The following DPY19L2 variants were observed in gnomAD, a reference collection of about 807,000 sequenced individuals.
The protein encoded by DPY19L2 is dpy-19 like 2, also known as probable C-mannosyltransferase DPY19L2.
A neutral mutation model predicts 97.9 loss-of-function variants in DPY19L2; 34 were observed. That is an observed-to-expected ratio of 0.35 (90% confidence interval 0.26 to 0.46). The LOEUF is 0.46. Ranked by LOEUF, DPY19L2 falls within the 20% of genes least tolerant of loss-of-function variation. The pLI is 1.00. For missense variants in DPY19L2, 623 were observed against 911.4 expected, an observed-to-expected ratio of 0.68 and a Z score of 4.07; for synonymous variants, 230 against 307.9, an observed-to-expected ratio of 0.75 and a Z score of 2.65.
intron 3 of DPY19L2, among the ~76,000 whole-genome samples, chr12:63,662,464 T>G (rs573398596): frequency 1.3e-5 from 2 of 151,578 alleles, no homozygotes; most frequent in Non-Finnish European, 2.9e-5. Flanking sequence ...ATATCTAATA[T>G]GCAAAAGACT....
At position 63,621,323 on chromosome 12, in the gene DPY19L2, T is replaced by C. The variant is rs201393221; in HGVS notation, c.968A>G (p.Asp323Gly). The C allele has an allele frequency of 7.2e-4, 685 of 956,794 alleles. 4 individuals carry two copies. The highest frequency in any genetic ancestry group is 3.2e-3 in the Middle Eastern group (10 of 3,120). 59.3% of individuals were successfully genotyped at this position (956,794 alleles called of 1,614,324 possible). A position where few individuals can be genotyped will look rare whatever the true frequency, so the allele number is the denominator to read the frequency against. The change falls in exon 9 of 22, where the codon GAT becomes GGT. Residue 323 changes from aspartate to glycine, a missense_variant. Physicochemically the swap from Asp to Gly is moderately conservative, Grantham distance 94 (BLOSUM62 -1). Around this residue, in one of 6 missense-constraint regions of DPY19L2, gnomAD observed 67 missense variants for 88.0 expected, o/e 0.76. Transcript: ENST00000324472. ...LTLILRTSSN[D>G]RRPFIALCLS... ...ACAGAGTGCAATGAAGGGCCTTCTA[T>C]CATTGCTTGAGGTCCTTAATAGAGA...
At chr12:63,647,090 A>T (rs1405289079) in intron 5 of DPY19L2, among the ~76,000 whole-genome samples, 155 bp downstream of exon 5, 1 of 152,158 alleles carries the variant, frequency 6.6e-6, no homozygotes, top group East Asian at 1.9e-4. Flanking sequence ...TTCTCAGAAA[A>T]CTATTTTAAA....
At chr12:63,648,467 C>A (rs1211933615) in intron 4 of DPY19L2, among the ~76,000 whole-genome samples, 6 of 151,750 alleles carry the variant, frequency 4.0e-5, no homozygotes, top group Admixed American at 3.3e-4. Context: ...GCTCTTTTCA[C>A]TCAGGCTGGA....
At chr12:63,633,074 T>C (rs919241663) in intron 6 of DPY19L2, among the ~76,000 whole-genome samples, 3 of 152,110 alleles carry the variant, frequency 2.0e-5, no homozygotes, top group Admixed American at 6.5e-5. Context: ...TCAAGATTGA[T>C]TAAAGACTTA....
chr12:63,636,623 G>A (rs971697573), intron 6 of DPY19L2, among the ~76,000 whole-genome samples: 4 of 151,982 alleles, frequency 2.6e-5, no homozygotes, highest in African/African-American at 9.7e-5. Context: ...CAAAACAAAA[G>A]GGGTTGCAAT....
At chr12:63,632,624 A>G (rs1890902644) in intron 6 of DPY19L2, among the ~76,000 whole-genome samples, 1 of 152,218 alleles carries the variant, frequency 6.6e-6, no homozygotes, top group African/African-American at 2.4e-5. Flanking sequence ...AATATCGTGA[A>G]AATGGCCATA....
At chr12:63,656,296 C>T (rs1012640842) in intron 4 of DPY19L2, among the ~76,000 whole-genome samples, 2 of 152,168 alleles carry the variant, frequency 1.3e-5, no homozygotes, top group Admixed American at 1.3e-4. Flanking sequence ...GTTCTCAATT[C>T]AAGACCGTCA....
At chr12:63,637,683 C>CA (rs1440142131) in intron 6 of DPY19L2, among the ~76,000 whole-genome samples, 1 of 151,970 alleles carries the variant, frequency 6.6e-6, no homozygotes, top group Non-Finnish European at 1.5e-5. Flanking sequence ...CTGAATAGAC[C>CA]AATAACAGGC....
chr12:63,629,110 T>C (rs1403312003), intron 6 of DPY19L2, among the ~76,000 whole-genome samples: 1 of 151,632 alleles, frequency 6.6e-6, no homozygotes, highest in African/African-American at 2.4e-5. Context: ...ACCACAAAGA[T>C]GGGGAAAAAA....
intron 19 of DPY19L2, among the ~76,000 whole-genome samples, chr12:63,577,465 A>G (rs1880052789): frequency 6.6e-6 from 1 of 152,176 alleles, no homozygotes; most frequent in African/African-American, 2.4e-5. Flanking sequence ...AAGCTTCTGC[A>G]CAGCAAAGGA....
intron 4 of DPY19L2, chr12:63,651,773 CT>C: frequency 5.8e-6 from 2 of 345,526 alleles, no homozygotes; most frequent in Non-Finnish European, 1.2e-5. Context: ...AGCTGGCTGC[CT>C]TTACAAAGAA....
At chr12:63,652,608 A>G (rs908449794) in intron 4 of DPY19L2, among the ~76,000 whole-genome samples, 2 of 152,176 alleles carry the variant, frequency 1.3e-5, no homozygotes, top group African/African-American at 4.8e-5. Flanking sequence ...AAAGAACAAG[A>G]TAATGTCCTT....
intron 19 of DPY19L2, among the ~76,000 whole-genome samples, chr12:63,578,814 C>T (rs76367901): frequency 0.074 from 11,261 of 151,896 alleles, 514 homozygotes; most frequent in Middle Eastern, 0.15. Context: ...ATTTTGCTCC[C>T]TAGGGAGCAC....
At chr12:63,608,549 C>T in intron 12 of DPY19L2, 67 bp downstream of exon 12, 1 of 1,337,340 alleles carries the variant, frequency 7.5e-7, no homozygotes. Context: ...AGCATATTAA[C>T]TGTGTTCAGT....
At chr12:63,588,249 T>A (rs1219275834) in intron 16 of DPY19L2, among the ~76,000 whole-genome samples, 1 of 152,182 alleles carries the variant, frequency 6.6e-6, no homozygotes, top group Non-Finnish European at 1.5e-5. Context: ...CTAATGCAGC[T>A]GGTGACTTTC....
At position 63,668,194 on chromosome 12, in the gene DPY19L2, C is replaced by A. The variant is rs148129801; in HGVS notation, c.200G>T (p.Gly67Val). The A allele has an allele frequency of 3.1e-6, 5 of 1,613,828 alleles. No individual in the cohort carries two copies. The highest frequency in any genetic ancestry group is 3.4e-6 in the Non-Finnish European group (4 of 1,179,970). ...CTTGGCCACCACCTCTAGCTCCAAG[C>A]CTTTTCGCTCTTTCAGACTTTGGAT... is the stretch of plus-strand genomic sequence containing the variant. ...GRIQSLKERK[G>V]LELEVVAKTF... The change falls in exon 1 of 22, where the codon GGC (glycine) becomes GTC (valine). Residue 67 changes from glycine to valine, a missense_variant. By Grantham distance (109) the Gly-to-Val change is moderately radical (BLOSUM62 -3). Transcript: ENST00000324472.
Position 63,668,097 on chromosome 12 carries a change from C to G in DPY19L2, c.297G>C (p.Leu99=). ...TTCTGCTGGAGAACCGCCGCGCCTG[C>G]AGTTCCTGCACCTTTTCCCGGAGCT... ...LAQLREKVQE[L]QARRFSSRTT... is the part of the protein sequence containing the mutation. The change falls in exon 1 of 22, where the codon CTG becomes CTC. Residue 99 remains leucine (L), a synonymous_variant. Transcript: ENST00000324472. 6.2e-7 allele frequency: 1 copy of G among 1,613,976 alleles called. No individual in the cohort carries two copies. Among genetic ancestry groups the G allele is most frequent in the Non-Finnish European group, 8.5e-7 (1 of 1,179,920 alleles).
intron 4 of DPY19L2, chr12:63,651,776 T>C (rs749294002): frequency 5.7e-6 from 2 of 348,706 alleles, no homozygotes; most frequent in African/African-American, 2.1e-5. Flanking sequence ...TGGCTGCCTT[T>C]ACAAAGAACC....
rs961871490 is a variant in DPY19L2 at position 63,602,268 on chromosome 12, C to CA, written c.1279-1883dup. On this transcript the variant is annotated intron_variant, in intron 12 of 21. Coordinates refer to ENST00000324472, the MANE Select transcript of DPY19L2 (RefSeq NM_173812.5). ...GAATGGAAGAAAAGGAGAATACTATCAAAAAAAATAAAAACTGAATCACAA... is the reference window on the plus strand; with the variant it reads ...GAATGGAAGAAAAGGAGAATACTATCAAAAAAAAATAAAAACTGAATCACAA... 1.7e-4 allele frequency among the ~76,000 whole-genome samples: 26 copies of CA among 150,664 alleles called. No homozygotes were observed. The East Asian group carries it at 4.3e-3, about 25-fold the overall frequency.
Sources: gnomAD v4.1 joint callset for allele counts (sites outside exome capture counted in the v4.1 genomes callset) on GRCh38, gnomAD v4.1.1 for gene constraint, gnomAD v4.1.1 regional missense constraint, MANE v1.5 for transcripts, NCBI Gene and HGNC (gene_info 2026-07-23, HGNC 2026-07-21) for gene names.